The following FAM184A variants were observed in gnomAD, a reference collection of about 807,000 sequenced individuals.
FAM184A encodes protein FAM184A.
In FAM184A, 99 loss-of-function variants were observed where a neutral mutation model predicts 143.8. The observed-to-expected ratio is 0.69, with a 90% CI of 0.58 to 0.81. The LOEUF (loss-of-function observed/expected upper bound fraction) is 0.81, where lower values mean the gene tolerates loss of function less well. Among genes scored for constraint, FAM184A ranks in the 40% least tolerant of loss-of-function variants. The pLI is 0.00. For missense variants in FAM184A, 1,217 were observed against 1,310.5 expected (o/e 0.93, Z 1.10); for synonymous variants, 427 against 446.4 (o/e 0.96, Z 0.55).
chr6:118,985,993 A>G (rs1282930659), intron 9 of FAM184A, among the ~76,000 whole-genome samples: 1 of 152,142 alleles, frequency 6.6e-6, no homozygotes, highest in Admixed American at 6.5e-5. Flanking sequence ...TGAGGAGGCT[A>G]GTTAAGAAAA....
At chr6:118,963,908 T>C (rs1175003250) in intron 16 of FAM184A, 4 of 152,256 alleles carry the variant, frequency 2.6e-5, no homozygotes, top group South Asian at 2.1e-4. Flanking sequence ...CAAAACATGA[T>C]TGGAGCCATG....
chr6:119,037,702 T>A (rs144359594), intron 1 of FAM184A, among the ~76,000 whole-genome samples: 1 of 152,320 alleles, frequency 6.6e-6, no homozygotes, highest in Non-Finnish European at 1.5e-5. Context: ...AAAAATAATA[T>A]TTGCTAAGCA....
At chr6:119,049,676 A>G (rs1428981341) in intron 1 of FAM184A, among the ~76,000 whole-genome samples, 2 of 152,210 alleles carry the variant, frequency 1.3e-5, no homozygotes, top group Non-Finnish European at 2.9e-5. Flanking sequence ...CATATACAAA[A>G]ATCAACTCAA....
intron 11 of FAM184A, 49 bp downstream of exon 11, chr6:118,979,316 T>C: frequency 6.6e-7 from 1 of 1,509,330 alleles, no homozygotes; most frequent in Non-Finnish European, 8.9e-7. Flanking sequence ...TTAAAAAATG[T>C]TAAAAATGTA....
At chr6:119,031,369 G>GAC (rs1046697903) in intron 1 of FAM184A, 12 of 152,170 alleles carry the variant, frequency 7.9e-5, no homozygotes, top group African/African-American at 2.4e-4. Context: ...TACATGAAGA[G>GAC]ACACCAGAGA....
intron 1 of FAM184A, among the ~76,000 whole-genome samples, chr6:119,069,467 CAT>C (rs1787600728): frequency 1.3e-5 from 2 of 152,204 alleles, no homozygotes; most frequent in African/African-American, 4.8e-5. Context: ...CCTGTGAACA[CAT>C]AGACACACAT....
At chr6:119,146,441 T>TGTGTGTGTG (rs56971402) in intron 1 of FAM184A, among the ~76,000 whole-genome samples, 1 of 147,512 alleles carries the variant, frequency 6.8e-6, no homozygotes, top group African/African-American at 2.5e-5. Flanking sequence ...TGTGTGTGTG[T>TGTGTGTGTG]TTATTTGGAG....
At chr6:119,021,768 G>A (rs1170458843) in intron 3 of FAM184A, among the ~76,000 whole-genome samples, 1 of 152,062 alleles carries the variant, frequency 6.6e-6, no homozygotes, top group Non-Finnish European at 1.5e-5. Context: ...TAGAGCCCAG[G>A]AGTTTGAGGT....
chr6:118,975,321 G>T, intron 12 of FAM184A, 113 bp from the exon 13 acceptor site: 1 of 796,072 alleles, frequency 1.3e-6, no homozygotes, highest in Non-Finnish European at 1.9e-6. Flanking sequence ...TTCTGACATT[G>T]CTTCTTCAAA....
chr6:119,113,259 T>C (rs1788977733), intron 1 of FAM184A, among the ~76,000 whole-genome samples: 1 of 152,170 alleles, frequency 6.6e-6, no homozygotes, highest in African/African-American at 2.4e-5. Context: ...CAGGAAACTC[T>C]CTCGCTTGCT....
At chr6:119,002,760 T>G (rs1784802105) in intron 9 of FAM184A, 139 bp downstream of exon 9, 1 of 727,290 alleles carries the variant, frequency 1.4e-6, no homozygotes, top group Admixed American at 3.1e-5. Flanking sequence ...ATCTTCCTGG[T>G]TTTATGTATT....
chr6:119,003,168 G>A, intron 8 of FAM184A, 119 bp from the exon 9 acceptor site: 2 of 906,776 alleles, frequency 2.2e-6, no homozygotes, highest in Middle Eastern at 3.6e-4. Flanking sequence ...ATGATGCTGA[G>A]GAAAGCAGAT....
At chr6:119,090,965 A>C (rs1227041757) in intron 1 of FAM184A, among the ~76,000 whole-genome samples, 1 of 152,198 alleles carries the variant, frequency 6.6e-6, no homozygotes, top group Non-Finnish European at 1.5e-5. Flanking sequence ...TACTGCCTTC[A>C]TTATTTAGCA....
chr6:119,099,121 A>C (rs1788579880), intron 1 of FAM184A, among the ~76,000 whole-genome samples: 1 of 152,192 alleles, frequency 6.6e-6, no homozygotes, highest in South Asian at 2.1e-4. Flanking sequence ...AAGAAAACAA[A>C]ACAAAATAAA....
intron 14 of FAM184A, among the ~76,000 whole-genome samples, chr6:118,969,299 C>T (rs1441239757): frequency 6.6e-6 from 1 of 151,942 alleles, no homozygotes; most frequent in East Asian, 1.9e-4. Flanking sequence ...AGCGTGAGAA[C>T]GGACTAATAC....
intron 1 of FAM184A, among the ~76,000 whole-genome samples, chr6:119,120,853 T>C (rs909251344): frequency 5.9e-5 from 9 of 151,268 alleles, no homozygotes; most frequent in African/African-American, 1.9e-4. Flanking sequence ...TCTTTCTTTT[T>C]TTTTTTTTTT....
chr6:119,075,127 T>C (rs1232799395), intron 1 of FAM184A, among the ~76,000 whole-genome samples: 1 of 152,230 alleles, frequency 6.6e-6, no homozygotes, highest in South Asian at 2.1e-4. Context: ...CTTTGAAACA[T>C]GCACAATGTA....
Position 119,006,485 on chromosome 6 carries a change from T to C in FAM184A, c.1777A>G (p.Ser593Gly), listed in dbSNP as rs1174076267. 1 of 1,613,946 alleles carries C rather than the reference T, an allele frequency of 6.2e-7. No homozygotes were observed. Among genetic ancestry groups the C allele is most frequent in the African/African-American group, 1.3e-5 (1 of 74,940 alleles). The change falls in exon 7 of 18, where the codon AGC (serine) becomes GGC (glycine). Residue 593 changes from serine (S) to glycine (G), a missense_variant. Transcript: ENST00000338891. ...LQNELDLTKD[S>G]LKETKDALLN... ...AGAGCATCCTTGGTCTCCTTTAGGC[T>C]GTCTTTAGTCAAGTCAAGCTCATTC...
intron 6 of FAM184A, among the ~76,000 whole-genome samples, chr6:119,008,449 T>A (rs1784993293): frequency 1.3e-5 from 2 of 152,158 alleles, no homozygotes; most frequent in Non-Finnish European, 1.5e-5. Flanking sequence ...GATTGAAGCA[T>A]GAAGTCAACA....
Sources: gnomAD v4.1 joint callset for allele counts (sites outside exome capture counted in the v4.1 genomes callset) on GRCh38, gnomAD v4.1.1 for gene constraint, MANE v1.5 for transcripts, NCBI Gene and HGNC (gene_info 2026-07-23, HGNC 2026-07-21) for gene names.